The following DGLUCY variants were observed in gnomAD, a reference collection of about 807,000 sequenced individuals.
DGLUCY encodes D-glutamate cyclase.
A neutral mutation model predicts 58.5 loss-of-function variants in DGLUCY; 58 were observed. The ratio of observed to expected loss-of-function variants is 0.99; its 90% CI spans 0.80 to 1.23. The LOEUF is 1.23. Among genes scored for constraint, DGLUCY ranks in the 50% most tolerant of loss-of-function variants. The pLI is 0.00. For synonymous variants in DGLUCY, 325 were observed against 314.1 expected (o/e 1.03, Z -0.37); for missense variants, 779 against 784.7 (o/e 0.99, Z 0.09).
chr14:91,167,504 C>A, intron 4 of DGLUCY, 126 bp downstream of exon 4: 1 of 1,255,290 alleles, frequency 8.0e-7, no homozygotes, highest in Non-Finnish European at 1.2e-6. Context: ...CACAGAACCT[C>A]ACTCATGACT....
At chr14:91,089,843 G>C (rs2044280974) in intron 1 of DGLUCY, among the ~76,000 whole-genome samples, 1 of 149,848 alleles carries the variant, frequency 6.7e-6, no homozygotes, top group African/African-American at 2.4e-5. Context: ...AGCATGAAAA[G>C]GGTCATCTAC....
chr14:91,188,085 C>G (rs1042626781), intron 8 of DGLUCY, among the ~76,000 whole-genome samples: 1 of 152,100 alleles, frequency 6.6e-6, no homozygotes. Flanking sequence ...GAAGTGTGTT[C>G]CTCTCTCACA....
chr14:91,100,007 A>G (rs1184566217), intron 1 of DGLUCY, among the ~76,000 whole-genome samples: 1 of 150,338 alleles, frequency 6.7e-6, no homozygotes, highest in East Asian at 1.9e-4. Flanking sequence ...GTGAGCCAAG[A>G]TCACGCCATT....
At chr14:91,142,170 G>A (rs1313653830) in intron 1 of DGLUCY, among the ~76,000 whole-genome samples, 6 of 152,088 alleles carry the variant, frequency 3.9e-5, no homozygotes, top group African/African-American at 1.4e-4. Flanking sequence ...ACCTGCTCAA[G>A]GATCACAGGT....
At chr14:91,100,095 G>T (rs931519278) in intron 1 of DGLUCY, among the ~76,000 whole-genome samples, 34 of 147,004 alleles carry the variant, frequency 2.3e-4, no homozygotes, top group African/African-American at 7.3e-4. Context: ...GAAAAGAAAA[G>T]AAAATTAGAT....
At chr14:91,134,404 A>T (rs1009208042) in intron 1 of DGLUCY, among the ~76,000 whole-genome samples, 3 of 150,850 alleles carry the variant, frequency 2.0e-5, no homozygotes, top group Non-Finnish European at 3.0e-5. Flanking sequence ...ATATTTATTC[A>T]TGCTATTATA....
In DGLUCY at chr14:91,073,075, C is replaced by T. The variant is rs145924764; in HGVS notation, c.-82+12371C>T. Among the ~76,000 whole-genome samples the T allele has an allele frequency of 5.8e-3, 882 of 152,182 alleles. 4 individuals are homozygous for T. Among genetic ancestry groups the T allele is most frequent in the Admixed American group, 0.014 (210 of 15,274 alleles). ...AATAGAAGGATAAGATGGAAGATGG[C>T]TCCCATGCCTTTTGTCACCAGGTGT... On this transcript the variant is annotated intron_variant, in intron 1 of 4. Coordinates refer to the DGLUCY transcript ENST00000521334.
intron 1 of DGLUCY, among the ~76,000 whole-genome samples, chr14:91,150,608 T>A (rs1016813635): frequency 1.3e-5 from 2 of 151,938 alleles, no homozygotes; most frequent in Non-Finnish European, 2.9e-5. Context: ...TGCCAGCTAA[T>A]TTTTTTAGTT....
chr14:91,120,428 G>A (rs780310311), intron 1 of DGLUCY, among the ~76,000 whole-genome samples: 1 of 152,020 alleles, frequency 6.6e-6, no homozygotes, highest in Non-Finnish European at 1.5e-5. Flanking sequence ...TTTTGAGATG[G>A]AGTTTCACTC....
Position 91,215,788 on chromosome 14 carries a change from CT to C in DGLUCY, c.1716+235del, listed in dbSNP as rs778459369. On this transcript the variant is annotated intron_variant, in intron 13 of 13. Coordinates refer to ENST00000256324, the MANE Select transcript of DGLUCY (RefSeq NM_001102368.3). ...AGTGACCATTTTCCTTCTAGTTTGA[CT>C]TTGGGTGAGTTGCTTAGCTTCTCTG... The C allele has an allele frequency of 3.2e-5, 44 of 1,364,894 alleles. No individual in the cohort carries two copies. The East Asian group carries it at 4.1e-4, about 13-fold the overall frequency. 84.5% of individuals were successfully genotyped at this position (1,364,894 alleles called of 1,614,324 possible). A position where few individuals can be genotyped will look rare whatever the true frequency, so the allele number is the denominator to read the frequency against.
intron 1 of DGLUCY, among the ~76,000 whole-genome samples, chr14:91,068,059 G>GCA (rs142034553): frequency 1.3e-4 from 18 of 136,720 alleles, no homozygotes; most frequent in African/African-American, 3.9e-4. Context: ...ACTGGCGCGT[G>GCA]CACACACACA....
At chr14:91,201,304 C>T (rs1044311058) in intron 11 of DGLUCY, among the ~76,000 whole-genome samples, 17 of 146,956 alleles carry the variant, frequency 1.2e-4, no homozygotes, top group African/African-American at 4.3e-4. Context: ...TGACAGGTAA[C>T]TTTTTTTTTT....
intron 8 of DGLUCY, chr14:91,185,706 A>G (rs77158409): frequency 2.6e-4 from 1 of 3,862 alleles, no homozygotes; most frequent in Admixed American, 3.8e-3. Flanking sequence ...AGCTCAGATT[A>G]AAAAAAAAAA....
At chr14:91,215,644 G>A in intron 13 of DGLUCY, 88 bp downstream of exon 13, 8 of 1,604,356 alleles carry the variant, frequency 5.0e-6, no homozygotes, top group Non-Finnish European at 6.8e-6. Flanking sequence ...TAAGCCGAGG[G>A]CTGGCACCCT....
chr14:91,193,810 C>A (rs1378230422), intron 9 of DGLUCY, among the ~76,000 whole-genome samples: 7 of 151,102 alleles, frequency 4.6e-5, no homozygotes, highest in African/African-American at 1.7e-4. Flanking sequence ...CCACTGCACT[C>A]CAGCCTGGGC....
intron 10 of DGLUCY, among the ~76,000 whole-genome samples, chr14:91,198,263 C>T (rs1254858664): frequency 6.6e-6 from 1 of 151,378 alleles, no homozygotes; most frequent in African/African-American, 2.4e-5. Flanking sequence ...AGGCTGGTCT[C>T]GAACTCCTGG....
intron 1 of DGLUCY, among the ~76,000 whole-genome samples, chr14:91,136,505 A>G (rs1336843025): frequency 6.6e-6 from 1 of 151,146 alleles, no homozygotes; most frequent in African/African-American, 2.4e-5. Flanking sequence ...CAACATGGTG[A>G]AAACCCCTTG....
chr14:91,202,516 A>G (rs1045522054), intron 11 of DGLUCY, among the ~76,000 whole-genome samples: 1 of 152,152 alleles, frequency 6.6e-6, no homozygotes, highest in Non-Finnish European at 1.5e-5. Context: ...CTTTTCCCAG[A>G]AGAGGCTGTG....
At chr14:91,128,235 G>T (rs946392848) in intron 1 of DGLUCY, among the ~76,000 whole-genome samples, 5 of 151,250 alleles carry the variant, frequency 3.3e-5, no homozygotes, top group Non-Finnish European at 7.4e-5. Context: ...CACTTTGGGA[G>T]GCTGAGGCAG....
Sources: allele counts gnomAD v4.1 joint callset (sites outside exome capture counted in the v4.1 genomes callset), GRCh38; gene constraint gnomAD v4.1.1; transcripts MANE v1.5; gene names NCBI Gene and HGNC (gene_info 2026-07-23, HGNC 2026-07-21).